Variants in HHAT observed in about 807,000 individuals in gnomAD.
HHAT encodes the protein hedgehog acyltransferase, also known as protein-cysteine N-palmitoyltransferase HHAT.
A neutral mutation model predicts 70.8 loss-of-function variants in HHAT; 47 were observed. The observed-to-expected ratio is 0.66, with a 90% CI of 0.53 to 0.85. The LOEUF is 0.85. HHAT is among the 40% of genes least tolerant of loss of function. The pLI is 0.00. For missense variants in HHAT, 609 were observed against 604.8 expected, an observed-to-expected ratio of 1.01 and a Z score of -0.07; for synonymous variants, 228 against 247.6, an observed-to-expected ratio of 0.92 and a Z score of 0.74.
chr1:210,631,764 A>T (rs896937469), intron 11 of HHAT, among the ~76,000 whole-genome samples: 1 of 152,214 alleles, frequency 6.6e-6, no homozygotes, highest in Non-Finnish European at 1.5e-5. Context: ...TGCAGTGAAG[A>T]TCAGAAAGTG....
chr1:210,395,091 T>C (rs1363218055), intron 4 of HHAT, among the ~76,000 whole-genome samples: 2 of 152,188 alleles, frequency 1.3e-5, no homozygotes, highest in Non-Finnish European at 2.9e-5. Flanking sequence ...GATTGATTGA[T>C]TCCCTTTATT....
chr1:210,500,358 G>A (rs2094729371), intron 8 of HHAT, among the ~76,000 whole-genome samples: 2 of 152,198 alleles, frequency 1.3e-5, no homozygotes, highest in Non-Finnish European at 1.5e-5. Context: ...ATTAATAATA[G>A]CCTTATATTA....
intron 6 of HHAT, among the ~76,000 whole-genome samples, chr1:210,407,225 A>G (rs185869306): frequency 1.3e-5 from 2 of 152,342 alleles, no homozygotes; most frequent in Admixed American, 6.5e-5. Flanking sequence ...GGAGGTGGAG[A>G]AAGAAAGCTA....
chr1:210,422,147 T>C (rs1338984806), intron 7 of HHAT, among the ~76,000 whole-genome samples: 1 of 152,224 alleles, frequency 6.6e-6, no homozygotes, highest in African/African-American at 2.4e-5. Flanking sequence ...ATTTTTTAAA[T>C]TGACAAATAA....
At chr1:210,372,935 T>C (rs904942965) in intron 3 of HHAT, among the ~76,000 whole-genome samples, 1 of 152,192 alleles carries the variant, frequency 6.6e-6, no homozygotes, top group African/African-American at 2.4e-5. Context: ...CCATCACATA[T>C]TGAGCACCAT....
intron 9 of HHAT, among the ~76,000 whole-genome samples, chr1:210,586,435 A>G (rs1198222971): frequency 2.0e-5 from 3 of 152,142 alleles, no homozygotes; most frequent in African/African-American, 7.2e-5. Flanking sequence ...TAGAGATGCT[A>G]TCTCTAAAAA....
At chr1:210,431,669 T>A (rs1401172051) in intron 7 of HHAT, among the ~76,000 whole-genome samples, 2 of 151,742 alleles carry the variant, frequency 1.3e-5, no homozygotes, top group African/African-American at 4.9e-5. Context: ...ATCATCTGGG[T>A]CATATGGCCA....
chr1:210,386,451 G>A (rs2091080891), intron 3 of HHAT, among the ~76,000 whole-genome samples: 1 of 151,040 alleles, frequency 6.6e-6, no homozygotes, highest in Non-Finnish European at 1.5e-5. Flanking sequence ...TTTTAGCCGG[G>A]ATGGTCTCGA....
intron 8 of HHAT, among the ~76,000 whole-genome samples, chr1:210,500,991 C>T (rs1030936002): frequency 6.6e-6 from 1 of 152,214 alleles, no homozygotes; most frequent in African/African-American, 2.4e-5. Flanking sequence ...GCCCTTCCTG[C>T]GCGCCTCTCC....
chr1:210,375,079 C>T (rs2090075964), intron 3 of HHAT, among the ~76,000 whole-genome samples: 1 of 152,178 alleles, frequency 6.6e-6, no homozygotes, highest in Non-Finnish European at 1.5e-5. Flanking sequence ...AATCAGATTT[C>T]ACCTGTTTTG....
At chr1:210,583,689 G>C (rs1310252699) in intron 9 of HHAT, among the ~76,000 whole-genome samples, 3 of 152,090 alleles carry the variant, frequency 2.0e-5, no homozygotes, top group Non-Finnish European at 2.9e-5. Flanking sequence ...CATGTCCTTG[G>C]AGACCTGCCA....
rs760515327 is a variant in HHAT at position 210,542,487 on chromosome 1, TA to T, written c.1043+29309del. 1.8e-3 allele frequency among the ~76,000 whole-genome samples: 266 copies of T among 148,824 alleles called. 1 individual carries two copies. Among genetic ancestry groups the T allele is most frequent in the Non-Finnish European group, 2.7e-3 (180 of 67,096 alleles). On this transcript the variant is annotated intron_variant, in intron 9 of 11. Coordinates refer to ENST00000261458, the MANE Select transcript of HHAT (RefSeq NM_018194.6). ...GTTTTTGCCGCATCAGTGTTTTAGTTAAAAAAAAAATATATATATATATATA... is the reference window on the plus strand; with the variant it reads ...GTTTTTGCCGCATCAGTGTTTTAGTTAAAAAAAAATATATATATATATATA...
chr1:210,461,779 G>A (rs1270865087), intron 7 of HHAT, among the ~76,000 whole-genome samples: 1 of 151,954 alleles, frequency 6.6e-6, no homozygotes, highest in East Asian at 1.9e-4. Context: ...TTGTAAACCA[G>A]ATATTAAAAT....
intron 9 of HHAT, among the ~76,000 whole-genome samples, chr1:210,535,054 C>G (rs2095356348): frequency 6.6e-6 from 1 of 152,070 alleles, no homozygotes; most frequent in African/African-American, 2.4e-5. Flanking sequence ...GCTTCCTGAC[C>G]AGCCTCTGCT....
intron 8 of HHAT, among the ~76,000 whole-genome samples, chr1:210,477,746 G>A (rs1466362745): frequency 6.6e-6 from 1 of 152,164 alleles, no homozygotes; most frequent in Non-Finnish European, 1.5e-5. Flanking sequence ...ATTAGTGAGT[G>A]ATTGCGAGGC....
chr1:210,338,982 T>A (rs766176), intron 1 of HHAT, among the ~76,000 whole-genome samples: 2 of 151,978 alleles, frequency 1.3e-5, no homozygotes, highest in Admixed American at 6.6e-5. Flanking sequence ...TGTTTGGAGC[T>A]GCAATGAGCT....
chr1:210,389,843 G>A (rs1358273706), intron 4 of HHAT, among the ~76,000 whole-genome samples: 1 of 152,172 alleles, frequency 6.6e-6, no homozygotes, highest in Non-Finnish European at 1.5e-5. Flanking sequence ...TGATCCAATT[G>A]CCTCTTAAAG....
At chr1:210,531,731 C>T (rs1219177405) in intron 9 of HHAT, among the ~76,000 whole-genome samples, 1 of 152,178 alleles carries the variant, frequency 6.6e-6, no homozygotes, top group Admixed American at 6.5e-5. Context: ...ATGAAAATGC[C>T]TCTCACAGGG....
intron 8 of HHAT, among the ~76,000 whole-genome samples, chr1:210,478,815 A>G (rs1261415425): frequency 6.6e-6 from 1 of 152,164 alleles, no homozygotes; most frequent in African/African-American, 2.4e-5. Context: ...CCAGTCTTAG[A>G]TGGATACTCT....
Sources: allele counts gnomAD v4.1 joint callset (sites outside exome capture counted in the v4.1 genomes callset), GRCh38; gene constraint gnomAD v4.1.1; transcripts MANE v1.5; gene names NCBI Gene and HGNC (gene_info 2026-07-23, HGNC 2026-07-21).